Variants in NSMCE2 observed in about 807,000 individuals in gnomAD.
The protein encoded by NSMCE2 is NSE2 SUMO ligase component of SMC5/6 complex.
In NSMCE2, 24 loss-of-function variants were observed where a neutral mutation model predicts 23.8. That is an observed-to-expected ratio of 1.01 (90% CI 0.73 to 1.42). The LOEUF (loss-of-function observed/expected upper bound fraction) is 1.42. Ranked by LOEUF, NSMCE2 falls within the 40% of genes most tolerant of loss-of-function variation. The probability of loss-of-function intolerance (pLI) is 0.00; values close to 1 mark genes in which losing one functional copy is unlikely to be tolerated. For missense variants in NSMCE2, 284 were observed against 296.5 expected, an observed-to-expected ratio of 0.96 and a Z score of 0.31; for synonymous variants, 92 against 94.1, an observed-to-expected ratio of 0.98 and a Z score of 0.13.
Position 125,313,466 on chromosome 8 carries a change from G to C in NSMCE2, c.419-43753G>C, listed in dbSNP as rs369833755. Among the ~76,000 whole-genome samples, 5 of 152,284 alleles carry C rather than the reference G, an allele frequency of 3.3e-5. No individual in the cohort carries two copies. In the East Asian group the frequency reaches 9.6e-4, roughly 29 times the overall value. ...AAACACTTTAAAGAAGGAAGGATCT[G>C]TATGCCAAATCTCAACCAGCTGTAA... On this transcript the variant is annotated intron_variant, in intron 5 of 7. Transcript: ENST00000287437.
intron 3 of NSMCE2, among the ~76,000 whole-genome samples, chr8:125,135,904 G>T (rs1820044501): frequency 6.6e-6 from 1 of 152,124 alleles, no homozygotes; most frequent in South Asian, 2.1e-4. Context: ...GCATTTCCAT[G>T]TGAATTTTAG....
At chr8:125,103,319 A>G (rs1409629171) in intron 3 of NSMCE2, among the ~76,000 whole-genome samples, 8 of 152,098 alleles carry the variant, frequency 5.3e-5, no homozygotes, top group Non-Finnish European at 2.9e-5. Flanking sequence ...AAAAAAAAGA[A>G]AAAAGATGTT....
At chr8:125,318,787 G>C (rs1029383333) in intron 5 of NSMCE2, among the ~76,000 whole-genome samples, 1 of 152,220 alleles carries the variant, frequency 6.6e-6, no homozygotes, top group East Asian at 1.9e-4. Context: ...TCCCATGCTT[G>C]TTCCAGCTTA....
At chr8:125,114,321 AC>A (rs1354966205) in intron 3 of NSMCE2, among the ~76,000 whole-genome samples, 4 of 152,144 alleles carry the variant, frequency 2.6e-5, no homozygotes, top group Non-Finnish European at 5.9e-5. Context: ...AGATACCCTT[AC>A]CCGCTGCTAT....
chr8:125,359,787 C>T (rs1042698992), intron 7 of NSMCE2, among the ~76,000 whole-genome samples: 1 of 152,210 alleles, frequency 6.6e-6, no homozygotes, highest in Non-Finnish European at 1.5e-5. Context: ...TCATCATCTT[C>T]AAACTTGAGC....
intron 5 of NSMCE2, among the ~76,000 whole-genome samples, chr8:125,236,249 T>A (rs1225300051): frequency 1.3e-5 from 2 of 152,164 alleles, no homozygotes; most frequent in Non-Finnish European, 2.9e-5. Context: ...ATAGACCTGG[T>A]GGTAGCTGTA....
intron 5 of NSMCE2, among the ~76,000 whole-genome samples, chr8:125,279,461 G>A (rs1371931227): frequency 1.3e-5 from 2 of 152,118 alleles, no homozygotes; most frequent in Admixed American, 1.3e-4. Context: ...CAATATGAGC[G>A]TTTTGTTAAA....
intron 5 of NSMCE2, among the ~76,000 whole-genome samples, chr8:125,302,399 A>G (rs566203226): frequency 1.3e-5 from 2 of 152,298 alleles, no homozygotes; most frequent in South Asian, 2.1e-4. Flanking sequence ...AGGAGTGACA[A>G]GGAGGTTCCC....
intron 7 of NSMCE2, among the ~76,000 whole-genome samples, chr8:125,361,803 TG>T (rs1265398337): frequency 6.6e-6 from 1 of 152,202 alleles, no homozygotes; most frequent in Non-Finnish European, 1.5e-5. Flanking sequence ...ACTCAGGGGT[TG>T]TAAGATAGAA....
chr8:125,348,788 T>G (rs963677713), intron 5 of NSMCE2: 1 of 152,200 alleles, frequency 6.6e-6, no homozygotes, highest in African/African-American at 2.4e-5. Flanking sequence ...TGTGAGTCCA[T>G]TAAACTTCTT....
At chr8:125,284,155 A>AC (rs1827804149) in intron 5 of NSMCE2, among the ~76,000 whole-genome samples, 1 of 149,146 alleles carries the variant, frequency 6.7e-6, no homozygotes, top group African/African-American at 2.6e-5. Context: ...CTCCGGAAAA[A>AC]GAAAAAAAAA....
At chr8:125,130,673 G>A (rs1819730995) in intron 3 of NSMCE2, among the ~76,000 whole-genome samples, 1 of 152,150 alleles carries the variant, frequency 6.6e-6, no homozygotes, top group South Asian at 2.1e-4. Context: ...GGAAATATGT[G>A]TATGTAGGCT....
intron 5 of NSMCE2, among the ~76,000 whole-genome samples, chr8:125,213,241 T>C (rs988927066): frequency 6.6e-6 from 1 of 152,190 alleles, no homozygotes. Flanking sequence ...AAATGAATCG[T>C]GCCATTGGAA....
intron 5 of NSMCE2, among the ~76,000 whole-genome samples, chr8:125,224,112 A>C (rs1173529054): frequency 6.6e-6 from 1 of 152,168 alleles, no homozygotes; most frequent in African/African-American, 2.4e-5. Context: ...CTGGGATTAC[A>C]GGCATAAGCC....
At chr8:125,272,044 C>T (rs1219117660) in intron 5 of NSMCE2, among the ~76,000 whole-genome samples, 3 of 131,376 alleles carry the variant, frequency 2.3e-5, no homozygotes, top group South Asian at 4.8e-4. Context: ...GACGGAGTCT[C>T]GCTCTGTCAC....
chr8:125,173,820 G>A (rs145744342), intron 4 of NSMCE2, among the ~76,000 whole-genome samples: 2 of 152,306 alleles, frequency 1.3e-5, no homozygotes, highest in East Asian at 3.9e-4. Context: ...AACATTTAAG[G>A]TGAACGGGGG....
intron 5 of NSMCE2, among the ~76,000 whole-genome samples, chr8:125,296,082 A>T (rs918795512): frequency 6.6e-6 from 1 of 152,234 alleles, no homozygotes. Context: ...GCTAGCACTT[A>T]TTAAACATTT....
intron 5 of NSMCE2, among the ~76,000 whole-genome samples, chr8:125,309,780 C>G (rs1056238142): frequency 2.0e-5 from 3 of 152,082 alleles, no homozygotes; most frequent in African/African-American, 7.2e-5. Flanking sequence ...CACATGAGGC[C>G]GTGGACTTCT....
intron 4 of NSMCE2, among the ~76,000 whole-genome samples, chr8:125,152,583 C>A (rs1364385994): frequency 6.6e-6 from 1 of 152,198 alleles, no homozygotes; most frequent in Non-Finnish European, 1.5e-5. Flanking sequence ...TTGACCCTTA[C>A]ATTATGTGGC....
Sources: allele counts gnomAD v4.1 joint callset (sites outside exome capture counted in the v4.1 genomes callset), GRCh38; gene constraint gnomAD v4.1.1; transcripts MANE v1.5; gene names NCBI Gene and HGNC (gene_info 2026-07-23, HGNC 2026-07-21).